The following IHO1 variants were observed in gnomAD, a reference collection of about 807,000 sequenced individuals.
IHO1 encodes interactor of HORMAD1 protein 1.
A neutral mutation model predicts 31.0 loss-of-function variants in IHO1; 13 were observed. The ratio of observed to expected loss-of-function variants is 0.42; its 90% CI spans 0.27 to 0.67. The LOEUF (loss-of-function observed/expected upper bound fraction) is 0.67. Ranked by LOEUF, IHO1 falls within the 30% of genes least tolerant of loss-of-function variation. IHO1 has a pLI of 0.24. For missense variants in IHO1, 599 were observed against 687.5 expected, an observed-to-expected ratio of 0.87 and a Z score of 1.44; for synonymous variants, 221 against 248.4, an observed-to-expected ratio of 0.89 and a Z score of 1.04.
At chr3:49,221,328 T>C (rs758157154) in intron 2 of IHO1, among the ~76,000 whole-genome samples, 2 of 152,110 alleles carry the variant, frequency 1.3e-5, no homozygotes, top group Non-Finnish European at 2.9e-5. Flanking sequence ...TTAGTGCGTT[T>C]ACAATCCTTT....
At chr3:49,241,550 C>A (rs1462966297) in intron 4 of IHO1, among the ~76,000 whole-genome samples, 161 bp downstream of exon 4, 1 of 151,974 alleles carries the variant, frequency 6.6e-6, no homozygotes, top group Admixed American at 6.6e-5. Context: ...CACACACACA[C>A]ACACACACAC....
chr3:49,191,741 T>G, the IHO1 span: 1 of 1,588,152 alleles, frequency 6.3e-7, no homozygotes, highest in Non-Finnish European at 8.5e-7. Context: ...AAGTGCACTC[T>G]TACCCAGGAG....
intron 1 of IHO1, among the ~76,000 whole-genome samples, chr3:49,206,564 G>C (rs1354248726): frequency 6.6e-6 from 1 of 152,198 alleles, no homozygotes; most frequent in Admixed American, 6.6e-5. Flanking sequence ...GGATTTGGCG[G>C]GTTTTGAACA....
the IHO1 span, chr3:49,191,802 T>C: frequency 1.3e-6 from 2 of 1,540,504 alleles, no homozygotes; most frequent in Non-Finnish European, 1.7e-6. Flanking sequence ...AAAGGCAAAC[T>C]TTCCTCTTGT....
chr3:49,255,370 T>G lies in IHO1; in HGVS notation c.533-20T>G, dbSNP rs1247445307. The G allele has an allele frequency of 6.5e-7, 1 of 1,533,490 alleles. No individual in the cohort carries two copies. The highest frequency in any genetic ancestry group is 8.9e-7 in the Non-Finnish European group (1 of 1,127,486). The allele number at this position is 1,533,490 out of a possible 1,614,324, so 95.0% of individuals were successfully genotyped here. A position where few individuals can be genotyped will look rare whatever the true frequency, so the allele number is the denominator to read the frequency against. ...CATACATAGTCTTCAGGAGGTGAAC[T>G]GTCACTGTTTTGTATTTAGTACAAG... is the stretch of plus-strand genomic sequence containing the variant. On this transcript the variant is annotated intron_variant, in intron 6 of 7. Coordinates refer to ENST00000452691, the MANE Select transcript of IHO1 (RefSeq NM_001135197.2).
chr3:49,243,513 C>T (rs748879495), intron 4 of IHO1, among the ~76,000 whole-genome samples: 3 of 151,826 alleles, frequency 2.0e-5, no homozygotes, highest in Non-Finnish European at 4.4e-5. Flanking sequence ...AATCCCAGCA[C>T]TTTGGGAGAC....
intron 2 of IHO1, among the ~76,000 whole-genome samples, chr3:49,230,166 A>G (rs2046464636): frequency 6.6e-6 from 1 of 152,214 alleles, no homozygotes; most frequent in Admixed American, 6.5e-5. Flanking sequence ...GCTTTAGAGT[A>G]CTTACTTACT....
intron 2 of IHO1, 94 bp downstream of exon 2, chr3:49,211,930 A>C: frequency 1.4e-6 from 1 of 734,066 alleles, no homozygotes; most frequent in South Asian, 1.5e-5. Context: ...TGGGAGGCCA[A>C]GGTGGGCAGA....
intron 2 of IHO1, among the ~76,000 whole-genome samples, chr3:49,234,608 T>C (rs2046531212): frequency 6.6e-6 from 1 of 152,074 alleles, no homozygotes; most frequent in Non-Finnish European, 1.5e-5. Flanking sequence ...GTTACAATGA[T>C]ACCATCATAG....
rs1304299024 is a variant in IHO1 at position 49,257,170 on chromosome 3, G to A, written c.1673G>A (p.Ser558Asn). ...SSSSQGDHQM[S>N]WFSDLNLGCS... The stretch of plus-strand genomic sequence containing the variant: ...AGTTCCCAGGGGGACCACCAGATGA[G>A]CTGGTTCAGTGACCTCAATCTCGGA... Residue 558 changes from serine (S) to asparagine (N), a missense_variant, in exon 8 of 8, where the codon AGC (serine) becomes AAC (asparagine). Ser to Asn is a conservative substitution (Grantham distance 46). Coordinates refer to ENST00000452691, the MANE Select transcript of IHO1 (RefSeq NM_001135197.2). The A allele has an allele frequency of 9.9e-6, 16 of 1,614,102 alleles. No individual in the cohort carries two copies. The African/African-American group carries it at 2.1e-4, about 22-fold the overall frequency.
At chr3:49,245,503 T>C (rs2046684131) in intron 6 of IHO1, 1 of 152,194 alleles carries the variant, frequency 6.6e-6, no homozygotes, top group Admixed American at 6.6e-5. Flanking sequence ...CAATTTTACT[T>C]ATAGTTTGTG....
At chr3:49,217,240 A>T (rs143525278) in intron 2 of IHO1, among the ~76,000 whole-genome samples, 1 of 152,136 alleles carries the variant, frequency 6.6e-6, no homozygotes, top group South Asian at 2.1e-4. Flanking sequence ...AACTAACCCA[A>T]ATGTTTATCA....
intron 3 of IHO1, among the ~76,000 whole-genome samples, chr3:49,237,174 C>A (rs2046569923): frequency 6.6e-6 from 1 of 151,906 alleles, no homozygotes; most frequent in African/African-American, 2.4e-5. Flanking sequence ...ATGGTGGAAC[C>A]CCGCCTCTAC....
chr3:49,194,138 G>A (rs1361506725), upstream of IHO1, among the ~76,000 whole-genome samples: 3 of 145,538 alleles, frequency 2.1e-5, no homozygotes, highest in Admixed American at 6.8e-5. Context: ...TGCGGTGGCA[G>A]GCACCTGTAA....
intron 2 of IHO1, among the ~76,000 whole-genome samples, chr3:49,219,522 G>A (rs953304644): frequency 5.3e-5 from 8 of 152,234 alleles, no homozygotes; most frequent in Non-Finnish European, 8.8e-5. Context: ...AACTCTGTTC[G>A]GGGCTGTCAG....
At chr3:49,211,639 A>C in intron 1 of IHO1, 127 bp from the exon 2 acceptor site, 1 of 386,498 alleles carries the variant, frequency 2.6e-6, no homozygotes, top group South Asian at 3.8e-5. Context: ...AAAAAAACAG[A>C]AATTTTCACT....
chr3:49,215,809 C>T (rs772678856), intron 2 of IHO1, among the ~76,000 whole-genome samples: 2 of 152,128 alleles, frequency 1.3e-5, no homozygotes. Flanking sequence ...TTATTTGATA[C>T]TTTTTTGAGA....
chr3:49,214,592 T>G (rs1178191465), intron 2 of IHO1, among the ~76,000 whole-genome samples: 1 of 117,918 alleles, frequency 8.5e-6, no homozygotes, highest in Non-Finnish European at 1.7e-5. Flanking sequence ...TGAAAAACTA[T>G]CTTTATTTCT....
At position 49,236,611 on chromosome 3, in the gene IHO1, G is replaced by T. The variant is rs752362883; in HGVS notation, c.120G>T (p.Gln40His). ...QNDYSSLSDS[Q>H]FLFGSQFCPE... is the part of the protein sequence containing the mutation. ...ATTATTCCAGTCTCAGTGATTCCCA[G>T]TTCCTCTTTGGATCTCAGTTCTGTC... Residue 40 changes from glutamine to histidine, a missense_variant, in exon 3 of 8, where the codon CAG becomes CAT. Transcript: ENST00000452691. 22 of 1,613,634 alleles carry T rather than the reference G, an allele frequency of 1.4e-5. No individual in the cohort carries two copies. The South Asian group carries it at 2.4e-4, about 18-fold the overall frequency.
Sources: allele counts gnomAD v4.1 joint callset (sites outside exome capture counted in the v4.1 genomes callset), GRCh38; gene constraint gnomAD v4.1.1; transcripts MANE v1.5; gene names NCBI Gene and HGNC (gene_info 2026-07-23, HGNC 2026-07-21).